ERC2: variants seen among roughly 807,000 people sequenced by gnomAD.
ERC2 encodes ERC protein 2.
Under a neutral mutation model 114.8 loss-of-function variants are expected in ERC2, and 42 were observed. That is an observed-to-expected ratio of 0.37 (90% CI 0.29 to 0.47). The LOEUF (loss-of-function observed/expected upper bound fraction) is 0.47, where lower values mean the gene tolerates loss of function less well. ERC2 is among the 20% of genes least tolerant of loss of function. The pLI is 0.99. For missense variants in ERC2, 939 were observed against 1,150.7 expected, an observed-to-expected ratio of 0.82 and a Z score of 2.66; for synonymous variants, 454 against 425.5, an observed-to-expected ratio of 1.07 and a Z score of -0.82.
At chr3:55,546,175 C>G (rs1024891596) in intron 17 of ERC2, among the ~76,000 whole-genome samples, 10 of 152,112 alleles carry the variant, frequency 6.6e-5, no homozygotes, top group Non-Finnish European at 1.3e-4. Context: ...CAGCAGCTAC[C>G]CAGGAGGCAG....
At chr3:56,325,453 TA>T (rs545638867) in intron 2 of ERC2, among the ~76,000 whole-genome samples, 3 of 145,928 alleles carry the variant, frequency 2.1e-5, no homozygotes, top group Middle Eastern at 3.5e-3. Context: ...CTCAAAAAAA[TA>T]AAAAAAAAAC....
intron 3 of ERC2, among the ~76,000 whole-genome samples, chr3:56,215,263 A>G (rs531351870): frequency 6.6e-6 from 1 of 152,326 alleles, no homozygotes; most frequent in East Asian, 1.9e-4. Context: ...ATGTGTAGAG[A>G]CACACATAGG....
chr3:56,342,814 G>A (rs945714080), intron 2 of ERC2, among the ~76,000 whole-genome samples: 1 of 152,212 alleles, frequency 6.6e-6, no homozygotes, highest in Non-Finnish European at 1.5e-5. Context: ...GGAGTAGAGA[G>A]AAGTCATTAA....
chr3:56,133,076 A>G (rs932481297), intron 6 of ERC2, among the ~76,000 whole-genome samples: 4 of 152,200 alleles, frequency 2.6e-5, no homozygotes, highest in Non-Finnish European at 4.4e-5. Flanking sequence ...CCTAGAAAGC[A>G]TTCTTGAAAA....
At chr3:56,299,127 TTTTG>T (rs1438522425) in intron 2 of ERC2, among the ~76,000 whole-genome samples, 1 of 110,846 alleles carries the variant, frequency 9.0e-6, no homozygotes, top group African/African-American at 3.3e-5. Flanking sequence ...TTGTTTTTTT[TTTTG>T]TTTGTTTGTT....
At chr3:56,291,319 T>C (rs2055070448) in intron 3 of ERC2, among the ~76,000 whole-genome samples, 1 of 152,218 alleles carries the variant, frequency 6.6e-6, no homozygotes, top group Non-Finnish European at 1.5e-5. Flanking sequence ...GGCCAACCCT[T>C]TGGCTCACAT....
At chr3:55,975,499 TAG>T (rs2069512365) in intron 12 of ERC2, among the ~76,000 whole-genome samples, 1 of 152,186 alleles carries the variant, frequency 6.6e-6, no homozygotes, top group Non-Finnish European at 1.5e-5. Flanking sequence ...ACAAGGAGGA[TAG>T]AGATACAGGC....
chr3:55,831,759 C>A (rs570933454), intron 14 of ERC2, among the ~76,000 whole-genome samples: 1 of 152,256 alleles, frequency 6.6e-6, no homozygotes, highest in African/African-American at 2.4e-5. Flanking sequence ...GGGTGCAGGA[C>A]AGTGGGTACA....
chr3:56,190,950 C>A (rs775417258), intron 3 of ERC2, among the ~76,000 whole-genome samples: 38 of 152,094 alleles, frequency 2.5e-4, no homozygotes, highest in Admixed American at 3.9e-4. Flanking sequence ...GCCTGGAGTA[C>A]AGAGGGCACC....
chr3:55,906,089 T>C (rs1244050542), intron 13 of ERC2, among the ~76,000 whole-genome samples: 1 of 152,208 alleles, frequency 6.6e-6, no homozygotes, highest in African/African-American at 2.4e-5. Flanking sequence ...TCCTGAGGCC[T>C]GGCACATGGC....
At chr3:56,278,915 T>G (rs761583573) in intron 3 of ERC2, among the ~76,000 whole-genome samples, 6 of 152,174 alleles carry the variant, frequency 3.9e-5, no homozygotes, top group Non-Finnish European at 7.3e-5. Context: ...CACTTCCCAC[T>G]ATGCCCCAAC....
chr3:55,577,504 A>G (rs977071449), intron 17 of ERC2, among the ~76,000 whole-genome samples: 3 of 152,176 alleles, frequency 2.0e-5, no homozygotes, highest in Non-Finnish European at 2.9e-5. Flanking sequence ...GGCTGCCTCT[A>G]TTGCTCTGGG....
intron 3 of ERC2, among the ~76,000 whole-genome samples, chr3:56,280,168 AG>A (rs1468566106): frequency 6.6e-6 from 1 of 152,062 alleles, no homozygotes; most frequent in African/African-American, 2.4e-5. Flanking sequence ...TGGAAAATGG[AG>A]GGGGGTGCCA....
At chr3:56,393,150 C>A (rs1355721416) in intron 2 of ERC2, among the ~76,000 whole-genome samples, 2 of 152,236 alleles carry the variant, frequency 1.3e-5, no homozygotes, top group Admixed American at 6.5e-5. Flanking sequence ...ATAATCCCAG[C>A]ACTTTGGGAG....
At chr3:56,040,949 T>C (rs774403542) in intron 7 of ERC2, among the ~76,000 whole-genome samples, 1 of 151,890 alleles carries the variant, frequency 6.6e-6, no homozygotes, top group African/African-American at 2.4e-5. Context: ...CACTCTACCG[T>C]TGAGTCCTTC....
intron 2 of ERC2, among the ~76,000 whole-genome samples, chr3:56,429,383 C>A (rs571102506): frequency 1.3e-5 from 2 of 152,298 alleles, no homozygotes; most frequent in East Asian, 3.9e-4. Context: ...TTCTCCTCAT[C>A]CCTCCCCCAA....
At chr3:55,824,180 T>A (rs1369131279) in intron 14 of ERC2, among the ~76,000 whole-genome samples, 1 of 152,246 alleles carries the variant, frequency 6.6e-6, no homozygotes, top group African/African-American at 2.4e-5. Flanking sequence ...ACAGTCATAG[T>A]CTGAGAGACC....
At chr3:55,699,254 A>T in intron 16 of ERC2, 124 bp downstream of exon 16, 1 of 1,205,784 alleles carries the variant, frequency 8.3e-7, no homozygotes, top group Non-Finnish European at 1.2e-6. Context: ...TACCAAAGCT[A>T]TTAGTTTCAG....
rs2055344956 is a variant in ERC2 at position 55,553,146 on chromosome 3, T to C, written c.*40-41870A>G. Among the ~76,000 whole-genome samples, 7 of 148,204 alleles carry C rather than the reference T, an allele frequency of 4.7e-5. No homozygotes were observed. In the Admixed American group the frequency reaches 4.8e-4, roughly 10 times the overall value. ...AAGTGATGCTCCTGCCTCAGCCTCC[T>C]GAGTAGCTTGGACTACAGGCACACA... On this transcript the variant is annotated intron_variant, in intron 17 of 17. Transcript: ENST00000288221.
Sources: allele counts gnomAD v4.1 joint callset (sites outside exome capture counted in the v4.1 genomes callset), GRCh38; gene constraint gnomAD v4.1.1; transcripts MANE v1.5; gene names NCBI Gene and HGNC (gene_info 2026-07-23, HGNC 2026-07-21).